PAK3: variants seen among roughly 807,000 people sequenced by gnomAD.
PAK3 encodes the protein serine/threonine-protein kinase PAK 3.
Under a neutral mutation model 41.0 loss-of-function variants are expected in PAK3, and 4 were observed. The observed-to-expected ratio is 0.10, with a 90% CI of 0.05 to 0.22. PAK3 has a LOEUF of 0.22. PAK3 is among the 10% of genes least tolerant of loss of function. The probability of loss-of-function intolerance (pLI) is 1.00; values close to 1 mark genes in which losing one functional copy is unlikely to be tolerated. For missense variants in PAK3, 205 were observed against 409.9 expected (o/e 0.50, Z 4.32); for synonymous variants, 146 against 139.6 (o/e 1.05, Z -0.32).
chrX:110,964,397 C>T (rs181895468), intron 1 of PAK3, among the ~76,000 whole-genome samples: 13 of 112,361 alleles, frequency 1.2e-4, no homozygotes, highest in African/African-American at 3.9e-4. Flanking sequence ...TGGGGTGGAG[C>T]CTGAGCTTCT....
chrX:111,116,546 A>AT (rs964694065), intron 4 of PAK3, among the ~76,000 whole-genome samples: 7 of 111,849 alleles, frequency 6.3e-5, no homozygotes, highest in African/African-American at 1.9e-4. Context: ...AAAAAGAATG[A>AT]TTTTTTCCTT....
At chrX:111,120,018 T>C (rs1264739563) in intron 4 of PAK3, among the ~76,000 whole-genome samples, 1 of 112,336 alleles carries the variant, frequency 8.9e-6, no homozygotes, top group African/African-American at 3.2e-5. Context: ...CAAAACCATA[T>C]CTGAACTGTC....
intron 1 of PAK3, among the ~76,000 whole-genome samples, chrX:110,974,582 A>G (rs918165078): frequency 8.9e-6 from 1 of 112,042 alleles, no homozygotes; most frequent in African/African-American, 3.3e-5. Flanking sequence ...TGAATAGAAA[A>G]AGAGAGAATC....
At chrX:111,079,613 A>ATGT (rs2148836609) in intron 1 of PAK3, among the ~76,000 whole-genome samples, 1 of 112,399 alleles carries the variant, frequency 8.9e-6, no homozygotes, top group South Asian at 3.7e-4. Flanking sequence ...CTAACACAAC[A>ATGT]TCTCTTCTGC....
intron 1 of PAK3, among the ~76,000 whole-genome samples, chrX:111,011,174 T>A (rs898654609): frequency 9.0e-6 from 1 of 111,448 alleles, no homozygotes; most frequent in African/African-American, 3.3e-5. Context: ...AGAGAGAGGC[T>A]GCAGCAAGGG....
intron 1 of PAK3, among the ~76,000 whole-genome samples, chrX:111,086,969 T>G (rs1195559292): frequency 9.0e-6 from 1 of 111,465 alleles, no homozygotes; most frequent in Non-Finnish European, 1.9e-5. Flanking sequence ...GAGTGGCGCT[T>G]TAAAAACGTG....
At chrX:111,043,572 A>C (rs1268675961) in intron 1 of PAK3, among the ~76,000 whole-genome samples, 1 of 111,902 alleles carries the variant, frequency 8.9e-6, no homozygotes, top group Non-Finnish European at 1.9e-5. Context: ...TGTATTTGAA[A>C]AACTATTTGT....
intron 1 of PAK3, among the ~76,000 whole-genome samples, chrX:110,996,528 A>T (rs772746388): frequency 1.3e-4 from 14 of 111,951 alleles, no homozygotes; most frequent in Admixed American, 3.8e-4. Flanking sequence ...GTATCTGAAG[A>T]TGTGGCTTTT....
chrX:111,087,764 AAC>A (rs200088919), intron 1 of PAK3, among the ~76,000 whole-genome samples: 324 of 8,842 alleles, frequency 0.037, 1 homozygote, highest in South Asian at 0.12. Context: ...AAAAAAAAAA[AAC>A]AAAAAAAAAA....
At chrX:111,116,350 A>G (rs1363374806) in intron 4 of PAK3, among the ~76,000 whole-genome samples, 2 of 111,476 alleles carry the variant, frequency 1.8e-5, no homozygotes, top group East Asian at 2.8e-4. Context: ...TTTTAGAAGC[A>G]TCAATATTGG....
intron 1 of PAK3, among the ~76,000 whole-genome samples, chrX:111,045,496 G>A (rs1436342031): frequency 8.9e-6 from 1 of 112,024 alleles, no homozygotes; most frequent in African/African-American, 3.2e-5. Flanking sequence ...CTATCTCCCT[G>A]TATGTGATGT....
chrX:111,047,618 CCG>C (rs2092512614), intron 1 of PAK3, among the ~76,000 whole-genome samples: 2 of 111,047 alleles, frequency 1.8e-5, no homozygotes, highest in Non-Finnish European at 1.9e-5. Context: ...GTGTCGGCTT[CCG>C]CATAGAATAC....
Position 111,171,123 on chromosome X carries a change from C to A in PAK3, c.767-1895C>A, listed in dbSNP as rs183035407. On this transcript the variant is annotated intron_variant, in intron 10 of 17. Transcript: ENST00000372007. Reference sequence around the variant, plus strand: ...GAGTCTATGAGTAGGTTATGACTGGCACAATTGTTTGAATAAGAAGTATTG... The same window carrying A: ...GAGTCTATGAGTAGGTTATGACTGGAACAATTGTTTGAATAAGAAGTATTG... Among the ~76,000 whole-genome samples, 8 of 110,909 alleles carry A rather than the reference C, an allele frequency of 7.2e-5. No individual in the cohort carries two copies. In the East Asian group the frequency reaches 2.3e-3, roughly 32 times the overall value.
At chrX:111,088,288 T>A (rs762870213) in intron 1 of PAK3, among the ~76,000 whole-genome samples, 67 of 111,889 alleles carry the variant, frequency 6.0e-4, no homozygotes, top group Non-Finnish European at 1.1e-3. Context: ...ATGAGGAAAC[T>A]GAGGTTCAGA....
intron 1 of PAK3, among the ~76,000 whole-genome samples, chrX:110,944,887 C>A (rs1387212677): frequency 1.8e-5 from 2 of 112,055 alleles, no homozygotes; most frequent in Admixed American, 1.9e-4. Flanking sequence ...TCTTTCTTTG[C>A]GTCCCCACTC....
chrX:110,994,123 C>T (rs763753505), intron 1 of PAK3, among the ~76,000 whole-genome samples: 4 of 112,040 alleles, frequency 3.6e-5, no homozygotes, highest in Non-Finnish European at 5.6e-5. Flanking sequence ...CAATTTTTGC[C>T]GTTACAAGCA....
intron 1 of PAK3, among the ~76,000 whole-genome samples, chrX:110,964,333 G>A (rs1373714320): frequency 1.8e-5 from 2 of 112,136 alleles, no homozygotes; most frequent in South Asian, 3.8e-4. Context: ...ACTCTAATTC[G>A]TGTATGAATC....
chrX:111,139,698 A>G (rs1182374871), intron 5 of PAK3, among the ~76,000 whole-genome samples: 2 of 112,139 alleles, frequency 1.8e-5, no homozygotes, highest in African/African-American at 6.5e-5. Context: ...CATTAATCCA[A>G]TTCTGCATGT....
chrX:110,976,200 A>C (rs1056030240), intron 1 of PAK3, among the ~76,000 whole-genome samples: 1 of 112,384 alleles, frequency 8.9e-6, no homozygotes, highest in African/African-American at 3.2e-5. Flanking sequence ...AAATTTTTGC[A>C]ATCTACCCAT....
Sources: gnomAD v4.1 joint callset for allele counts (sites outside exome capture counted in the v4.1 genomes callset) on GRCh38, gnomAD v4.1.1 for gene constraint, MANE v1.5 for transcripts, NCBI Gene and HGNC (gene_info 2026-07-23, HGNC 2026-07-21) for gene names.